Variants in TFAP2D observed in about 807,000 individuals in gnomAD.
TFAP2D encodes the protein transcription factor AP-2 delta.
TFAP2D carries 9 observed loss-of-function variants against 43.6 expected under a neutral mutation model. The observed-to-expected ratio is 0.21, with a 90% confidence interval of 0.12 to 0.36. The LOEUF (loss-of-function observed/expected upper bound fraction) is 0.36. Among genes scored for constraint, TFAP2D ranks in the 10% least tolerant of loss-of-function variants. The pLI, the probability that TFAP2D is intolerant of heterozygous loss-of-function variation, is 1.00. For missense variants in TFAP2D, 513 were observed against 561.4 expected (o/e 0.91, Z 0.87); for synonymous variants, 256 against 224.9 (o/e 1.14, Z -1.24).
At chr6:50,772,229 CG>C (rs1554158524) in intron 7 of TFAP2D, among the ~76,000 whole-genome samples, 1 of 149,502 alleles carries the variant, frequency 6.7e-6, no homozygotes, top group Non-Finnish European at 1.5e-5. Context: ...ACTCACACAC[CG>C]GGGCCTGTCA....
chr6:50,745,345 T>G (rs1769110987), intron 6 of TFAP2D, 97 bp downstream of exon 6: 2 of 1,529,848 alleles, frequency 1.3e-6, no homozygotes, highest in Non-Finnish European at 1.8e-6. Context: ...GCACCCGTTC[T>G]CTAAAACAAG....
At chr6:50,768,338 T>C (rs954345180) in intron 7 of TFAP2D, among the ~76,000 whole-genome samples, 11 of 150,824 alleles carry the variant, frequency 7.3e-5, no homozygotes, top group Non-Finnish European at 1.2e-4. Context: ...TCTCCCTTTT[T>C]TTTTTTTTCT....
At position 50,747,175 on chromosome 6, in the gene TFAP2D, A is replaced by G. The variant is rs554944830; in HGVS notation, c.1025+1927A>G. Among the ~76,000 whole-genome samples, 3 of 152,216 alleles carry G rather than the reference A, an allele frequency of 2.0e-5. No individual in the cohort carries two copies. In the East Asian group the frequency reaches 5.8e-4, roughly 29 times the overall value. ...ATGTACTCATTTCCTTTTCCAAATA[A>G]CTTATTGACTAAATTTTTTTTCCAA... On this transcript the variant is annotated intron_variant, in intron 6 of 7. Coordinates refer to ENST00000008391, the MANE Select transcript of TFAP2D (RefSeq NM_172238.4).
At chr6:50,722,964 C>T (rs1768753182) in intron 3 of TFAP2D, among the ~76,000 whole-genome samples, 1 of 152,222 alleles carries the variant, frequency 6.6e-6, no homozygotes, top group Non-Finnish European at 1.5e-5. Context: ...GAAGAGGGAG[C>T]GGACCCGGCC....
At chr6:50,766,722 G>T (rs1298690244) in intron 7 of TFAP2D, among the ~76,000 whole-genome samples, 4 of 132,430 alleles carry the variant, frequency 3.0e-5, no homozygotes, top group Admixed American at 8.4e-5. Flanking sequence ...ACTGCGGACT[G>T]CAGTGGCGCA....
At chr6:50,755,863 AC>A (rs1380155510) in intron 7 of TFAP2D, among the ~76,000 whole-genome samples, 1 of 151,922 alleles carries the variant, frequency 6.6e-6, no homozygotes, top group Non-Finnish European at 1.5e-5. Flanking sequence ...GTGTTAGCAT[AC>A]AGCATGTCTT....
At position 50,715,102 on chromosome 6, in the gene TFAP2D, C is replaced by A; in HGVS notation, c.40-14C>A. On this transcript the variant is annotated splice_polypyrimidine_tract_variant and intron_variant, in intron 1 of 7. Transcript: ENST00000008391. ...AAGTTTTTCTGCTCTCCCTTTTCCCCCTCTTCCTTCCAGATACGTCACGAC... is the reference window on the plus strand; with the variant it reads ...AAGTTTTTCTGCTCTCCCTTTTCCCACTCTTCCTTCCAGATACGTCACGAC... The A allele has an allele frequency of 6.2e-7, 1 of 1,608,296 alleles. No individual in the cohort carries two copies. The highest frequency in any genetic ancestry group is 8.5e-7 in the Non-Finnish European group (1 of 1,175,214).
intron 7 of TFAP2D, among the ~76,000 whole-genome samples, chr6:50,757,778 TTATTCTA>T (rs1769308485): frequency 6.5e-5 from 5 of 77,214 alleles, no homozygotes; most frequent in Admixed American, 3.2e-4. Flanking sequence ...ATATATATAA[TTATTCTA>T]TATATATAGA....
chr6:50,729,168 C>A (rs1474520895), intron 4 of TFAP2D, 26 bp from the exon 5 acceptor site: 1 of 1,609,634 alleles, frequency 6.2e-7, no homozygotes, highest in Non-Finnish European at 8.5e-7. Context: ...AATTTCAAAA[C>A]CTAGTTTTTG....
rs749060519 is a variant in TFAP2D, at chr6:50,715,136, C to T, written c.60C>T (p.Asn20=). ...TCCAGATACGTCACGACGGATCAAA[C>T]AGCTACCGTTTGATGCAGCTTGGCT... ...HDAEIRHDGS[N]SYRLMQLGCL... The change falls in exon 2 of 8, where the codon AAC becomes AAT. Residue 20 remains asparagine, a synonymous_variant. Transcript: ENST00000008391. 3.7e-6 allele frequency: 6 copies of T among 1,614,104 alleles called. No individual in the cohort carries two copies. Among genetic ancestry groups the T allele is most frequent in the South Asian group, 3.3e-5 (3 of 91,074 alleles).
intron 5 of TFAP2D, among the ~76,000 whole-genome samples, chr6:50,734,241 C>T (rs549117144): frequency 6.6e-6 from 1 of 151,926 alleles, no homozygotes; most frequent in Non-Finnish European, 1.5e-5. Flanking sequence ...TCTATTAACC[C>T]TTTGCCTGGT....
At chr6:50,744,632 G>A (rs192328193) in intron 5 of TFAP2D, among the ~76,000 whole-genome samples, 7 of 152,086 alleles carry the variant, frequency 4.6e-5, no homozygotes, top group African/African-American at 1.7e-4. Flanking sequence ...AAAGTTCTCC[G>A]ACTTCCTCGA....
intron 5 of TFAP2D, among the ~76,000 whole-genome samples, chr6:50,738,771 A>G (rs2114045303): frequency 6.6e-6 from 1 of 152,104 alleles, no homozygotes; most frequent in Non-Finnish European, 1.5e-5. Flanking sequence ...CTACTACCAC[A>G]TTTTCTCTTT....
intron 5 of TFAP2D, among the ~76,000 whole-genome samples, chr6:50,730,046 A>G (rs1768863001): frequency 6.6e-6 from 1 of 152,022 alleles, no homozygotes. Context: ...GTCAAAGGAA[A>G]GTTTTTTCAT....
intron 7 of TFAP2D, among the ~76,000 whole-genome samples, chr6:50,753,576 T>C (rs987773665): frequency 3.3e-5 from 5 of 151,530 alleles, no homozygotes; most frequent in African/African-American, 9.7e-5. Flanking sequence ...CAGCTAAATA[T>C]ATGGTAAATG....
chr6:50,725,588 C>A (rs1768796312), intron 3 of TFAP2D, among the ~76,000 whole-genome samples: 1 of 152,150 alleles, frequency 6.6e-6, no homozygotes, highest in Non-Finnish European at 1.5e-5. Context: ...GCAACACAAG[C>A]ACCATGAGGA....
rs572395941 is a variant in TFAP2D at position 50,713,967 on chromosome 6, A to T, written c.-89A>T. The T allele has an allele frequency of 6.6e-5, 104 of 1,576,860 alleles. No individual in the cohort carries two copies. The South Asian group carries it at 1.0e-3, about 16-fold the overall frequency. Reference sequence around the variant, plus strand: ...AGAACATTTTTTTTTTCCTTTAAAAATTGGAAAATACAAGAAGTTTGGATT... The same window carrying T: ...AGAACATTTTTTTTTTCCTTTAAAATTTGGAAAATACAAGAAGTTTGGATT... On this transcript the variant is annotated 5_prime_UTR_variant, in exon 1 of 8. Transcript: ENST00000008391.
rs201631677 is a variant in TFAP2D, at chr6:50,723,698, TG to T, written c.598+4553del. On this transcript the variant is annotated intron_variant, in intron 3 of 7. Transcript: ENST00000008391. ...ATTTGTTGGAAATCTTTGTGGGCGT[TG>T]GGGGTTGTAGAGGGAAAGAGGTAGC... Among the ~76,000 whole-genome samples the T allele has an allele frequency of 7.5e-3, 1,139 of 152,298 alleles. 17 individuals carry two copies. Among genetic ancestry groups the T allele is most frequent in the African/African-American group, 0.026 (1,079 of 41,562 alleles).
At chr6:50,718,565 A>G (rs769143628) in intron 2 of TFAP2D, among the ~76,000 whole-genome samples, 4 of 152,182 alleles carry the variant, frequency 2.6e-5, no homozygotes, top group Non-Finnish European at 5.9e-5. Context: ...AGTGAACCTG[A>G]AGATTTTTCC....
Sources: allele counts gnomAD v4.1 joint callset (sites outside exome capture counted in the v4.1 genomes callset), GRCh38; gene constraint gnomAD v4.1.1; transcripts MANE v1.5; gene names NCBI Gene and HGNC (gene_info 2026-07-23, HGNC 2026-07-21).